The following DCAF8L2 variants were observed in gnomAD, a reference collection of about 807,000 sequenced individuals.
DCAF8L2 encodes the protein DDB1 and CUL4 associated factor 8 like 2, also known as DDB1- and CUL4-associated factor 8-like protein 2.
For synonymous variants in DCAF8L2, 200 were observed against 190.9 expected (o/e 1.05, Z -0.39); for missense variants, 430 against 490.7 (o/e 0.88, Z 1.17).
intron 1 of DCAF8L2, among the ~76,000 whole-genome samples, chrX:27,604,685 A>G (rs1358669714): frequency 8.9e-6 from 1 of 112,132 alleles, no homozygotes; most frequent in Non-Finnish European, 1.9e-5. Context: ...AATTCCATTC[A>G]CCAACTTTTC....
At chrX:27,740,298 C>T (rs1921773702) in intron 4 of DCAF8L2, among the ~76,000 whole-genome samples, 1 of 111,513 alleles carries the variant, frequency 9.0e-6, no homozygotes, top group South Asian at 3.8e-4. Flanking sequence ...TAATTTTCTC[C>T]ACCTCCACCA....
chrX:27,715,023 AT>A (rs1335683924), intron 3 of DCAF8L2, among the ~76,000 whole-genome samples: 1 of 111,417 alleles, frequency 9.0e-6, no homozygotes, highest in East Asian at 2.8e-4. Context: ...TGACACTAAT[AT>A]TTTTCCCTTC....
At chrX:27,648,275 T>C (rs968172463) in intron 2 of DCAF8L2, among the ~76,000 whole-genome samples, 1 of 110,904 alleles carries the variant, frequency 9.0e-6, no homozygotes, top group Non-Finnish European at 1.9e-5. Flanking sequence ...AACATTATTA[T>C]CACATTTGGG....
chrX:27,549,573 A>G, the DCAF8L2 span, among the ~76,000 whole-genome samples: 4 of 110,086 alleles, frequency 3.6e-5, no homozygotes, highest in Non-Finnish European at 7.6e-5. Context: ...TATCCAGGCT[A>G]TAGATTTAAT....
intron 1 of DCAF8L2, among the ~76,000 whole-genome samples, chrX:27,605,505 C>T (rs1926828473): frequency 2.7e-5 from 3 of 111,053 alleles, no homozygotes; most frequent in African/African-American, 3.3e-5. Context: ...CACTGAAGCA[C>T]GTCCCTTTTT....
the DCAF8L2 span, among the ~76,000 whole-genome samples, chrX:27,490,689 T>C: frequency 9.0e-6 from 1 of 111,175 alleles, no homozygotes; most frequent in Non-Finnish European, 1.9e-5. Context: ...CTCGAAATCC[T>C]GACCTTATAA....
At chrX:27,517,291 G>A in the DCAF8L2 span, among the ~76,000 whole-genome samples, 1 of 111,373 alleles carries the variant, frequency 9.0e-6, no homozygotes, top group Admixed American at 9.6e-5. Context: ...TATGATGGTG[G>A]AATTATGGCT....
At chrX:27,693,131 A>G (rs776832301) in intron 3 of DCAF8L2, among the ~76,000 whole-genome samples, 1 of 111,883 alleles carries the variant, frequency 8.9e-6, no homozygotes, top group African/African-American at 3.2e-5. Context: ...AAGTGACTCT[A>G]TCTCTTAAAA....
chrX:27,746,190 A>G (rs775707552), intron 4 of DCAF8L2, among the ~76,000 whole-genome samples: 5 of 112,166 alleles, frequency 4.5e-5, no homozygotes, highest in African/African-American at 1.6e-4. Context: ...TTTCAGATAA[A>G]TAATAAATAA....
chrX:27,640,804 A>AT (rs1299973595), intron 2 of DCAF8L2, among the ~76,000 whole-genome samples: 2 of 111,482 alleles, frequency 1.8e-5, no homozygotes, highest in African/African-American at 6.5e-5. Flanking sequence ...ATTTTACAAG[A>AT]AAAAATAAAA....
chrX:27,515,092 G>T, the DCAF8L2 span, among the ~76,000 whole-genome samples: 1 of 111,840 alleles, frequency 8.9e-6, no homozygotes, highest in South Asian at 3.7e-4. Context: ...TCCCTGATTT[G>T]ATTGTTATAT....
At chrX:27,608,830 G>A (rs1054482330) in intron 1 of DCAF8L2, among the ~76,000 whole-genome samples, 1 of 110,319 alleles carries the variant, frequency 9.1e-6, no homozygotes, top group Non-Finnish European at 1.9e-5. Context: ...TCCTAGGAGA[G>A]AGAATCTGAT....
intron 1 of DCAF8L2, among the ~76,000 whole-genome samples, chrX:27,622,200 G>A (rs1248194901): frequency 9.2e-6 from 1 of 108,983 alleles, no homozygotes; most frequent in Non-Finnish European, 1.9e-5. Flanking sequence ...CGAGACGGGC[G>A]GATCACGAGG....
chrX:27,544,250 C>A, the DCAF8L2 span, among the ~76,000 whole-genome samples: 1 of 111,676 alleles, frequency 9.0e-6, no homozygotes, highest in Non-Finnish European at 1.9e-5. Flanking sequence ...TCCATTCTTT[C>A]TGTAACTTCA....
At position 27,747,682 on chromosome X, in the gene DCAF8L2, G is replaced by C. The variant is rs758230587; in HGVS notation, c.787G>C (p.Val263Leu). The change falls in exon 5 of 5, where the codon GTA (valine) becomes CTA (leucine). Residue 263 changes from valine (V) to leucine (L), a missense_variant. By Grantham distance (32) the Val-to-Leu change is conservative (BLOSUM62 1). Transcript: ENST00000451261. ...IVWDWVRQRPVLNFESGHTNN... is the reference protein window; with the variant it reads ...IVWDWVRQRPLLNFESGHTNN... ...GTGGGACTGGGTGCGGCAGAGGCCA[G>C]TACTGAACTTTGAAAGTGGTCACAC... 7 of 1,210,888 alleles carry C rather than the reference G, an allele frequency of 5.8e-6. No homozygotes were observed. Among genetic ancestry groups the C allele is most frequent in the South Asian group, 3.5e-5 (2 of 56,619 alleles).
At chrX:27,481,034 G>A in the DCAF8L2 span, among the ~76,000 whole-genome samples, 1 of 111,825 alleles carries the variant, frequency 8.9e-6, no homozygotes, top group Non-Finnish European at 1.9e-5. Context: ...AATGGCATGA[G>A]AAGAAGTACA....
the DCAF8L2 span, chrX:27,519,726 G>T: frequency 1.8e-6 from 1 of 568,897 alleles, no homozygotes; most frequent in Non-Finnish European, 3.2e-6. Context: ...AGCAACTTCA[G>T]GCATTAAGTT....
At chrX:27,743,267 G>T (rs1259330583) in intron 4 of DCAF8L2, among the ~76,000 whole-genome samples, 1 of 110,072 alleles carries the variant, frequency 9.1e-6, no homozygotes, top group Non-Finnish European at 1.9e-5. Flanking sequence ...CTTTTGAAAG[G>T]TTCTCACATT....
chrX:27,528,997 A>G, the DCAF8L2 span, among the ~76,000 whole-genome samples: 4 of 111,485 alleles, frequency 3.6e-5, no homozygotes, highest in Non-Finnish European at 7.5e-5. Context: ...TATAACAGTG[A>G]CATGTGACAC....
Sources: gnomAD v4.1 joint callset for allele counts (sites outside exome capture counted in the v4.1 genomes callset) on GRCh38, gnomAD v4.1.1 for gene constraint, MANE v1.5 for transcripts, NCBI Gene and HGNC (gene_info 2026-07-23, HGNC 2026-07-21) for gene names.